PXMP4: variants seen among roughly 807,000 people sequenced by gnomAD.
PXMP4 encodes the protein 24 kDa peroxisomal intrinsic membrane protein.
In PXMP4, 16 loss-of-function variants were observed where a neutral mutation model predicts 21.6. The observed-to-expected ratio is 0.74, with a 90% CI of 0.50 to 1.13. The LOEUF is 1.13. Ranked by LOEUF, PXMP4 falls within the 50% of genes most tolerant of loss-of-function variation. The pLI, the probability that PXMP4 is intolerant of heterozygous loss-of-function variation, is 0.00. For synonymous variants in PXMP4, 127 were observed against 123.8 expected (o/e 1.03, Z -0.17); for missense variants, 240 against 277.7 (o/e 0.86, Z 0.96).
In PXMP4 at chr20:33,709,304, A is replaced by T. The variant is rs965690904; in HGVS notation, c.375+1251T>A. 2.0e-5 allele frequency among the ~76,000 whole-genome samples: 3 copies of T among 152,322 alleles called. No individual in the cohort carries two copies. The East Asian group carries it at 5.8e-4, about 29-fold the overall frequency. On this transcript the variant is annotated intron_variant, in intron 3 of 3. Coordinates refer to ENST00000409299, the MANE Select transcript of PXMP4 (RefSeq NM_007238.5). ...AGAGTAAGACTGTCTCAACAAAAAC[A>T]AAACAGAACAAAAACCCAACGACTA...
chr20:33,708,353 G>T (rs1349784805), intron 3 of PXMP4, among the ~76,000 whole-genome samples: 1 of 151,080 alleles, frequency 6.6e-6, no homozygotes, highest in Non-Finnish European at 1.5e-5. Context: ...TGCCCAGCTA[G>T]TTTTTATATT....
At position 33,706,198 on chromosome 20, in the gene PXMP4, T is replaced by A. The variant is rs2018255217; in HGVS notation, c.*1508A>T. The A allele has an allele frequency of 6.6e-6, 1 of 152,012 alleles. No homozygotes were observed. The highest frequency in any genetic ancestry group is 2.1e-4 in the South Asian group (1 of 4,828). The allele number at this position is 152,012 out of a possible 1,614,324, so 9.4% of individuals were successfully genotyped here. Reference sequence around the variant, plus strand: ...GCCTCAGCCTCCCAAAGTGCTGGGATTACAGGCGTGAGCCACTGCACCTGG... The same window carrying A: ...GCCTCAGCCTCCCAAAGTGCTGGGAATACAGGCGTGAGCCACTGCACCTGG... On this transcript the variant is annotated 3_prime_UTR_variant, in exon 4 of 4. Transcript: ENST00000409299.
intron 1 of PXMP4, among the ~76,000 whole-genome samples, chr20:33,719,542 C>T (rs966792412): frequency 1.3e-5 from 2 of 152,244 alleles, no homozygotes; most frequent in African/African-American, 2.4e-5. Context: ...CCCAAGACCT[C>T]TCTTGCAGGT....
chr20:33,714,875 A>G (rs987971786), intron 1 of PXMP4, 139 bp from the exon 2 acceptor site: 18 of 820,782 alleles, frequency 2.2e-5, no homozygotes, highest in Non-Finnish European at 3.7e-5. Flanking sequence ...GCTGGATGCA[A>G]ATCCTGGCTC....
chr20:33,717,760 C>T (rs2018399603), intron 1 of PXMP4, among the ~76,000 whole-genome samples: 1 of 151,160 alleles, frequency 6.6e-6, no homozygotes, highest in Non-Finnish European at 1.5e-5. Flanking sequence ...ATTTAGGGAT[C>T]TAGGAATGAC....
chr20:33,718,146 A>G (rs1189673063), intron 1 of PXMP4, among the ~76,000 whole-genome samples: 2 of 152,122 alleles, frequency 1.3e-5, no homozygotes, highest in Non-Finnish European at 2.9e-5. Context: ...TGAGCCACAT[A>G]CTATTGTCTC....
chr20:33,718,995 AAGCGGTTCTCCTGCCTCAGCCTCCCATGT>A (rs552666877), intron 1 of PXMP4, among the ~76,000 whole-genome samples: 157 of 152,284 alleles, frequency 1.0e-3, no homozygotes, highest in African/African-American at 3.6e-3. Flanking sequence ...TCCTGGGTTC[AAGCGGTTCTCCTGCCTCAGCCTCCCATGT>A]AGCCGGGACT....
At chr20:33,711,848 C>G (rs909410136) in intron 2 of PXMP4, among the ~76,000 whole-genome samples, 1 of 151,870 alleles carries the variant, frequency 6.6e-6, no homozygotes, top group African/African-American at 2.4e-5. Flanking sequence ...AAAAAATTAG[C>G]CAGGTGTGGT....
At chr20:33,717,436 T>C (rs1178992654) in intron 1 of PXMP4, among the ~76,000 whole-genome samples, 10 of 150,826 alleles carry the variant, frequency 6.6e-5, no homozygotes, top group Non-Finnish European at 8.9e-5. Context: ...GTCAGGAGAT[T>C]GAGACCATCC....
intron 3 of PXMP4, 74 bp downstream of exon 3, chr20:33,710,481 G>A (rs1601204398): frequency 1.1e-5 from 4 of 366,498 alleles, no homozygotes; most frequent in Non-Finnish European, 3.8e-6. Flanking sequence ...ACTGAACCAC[G>A]CCCCCTTCTG....
chr20:33,712,681 A>T (rs2018342395), intron 2 of PXMP4, among the ~76,000 whole-genome samples: 1 of 152,184 alleles, frequency 6.6e-6, no homozygotes, highest in South Asian at 2.1e-4. Context: ...CCCAGGCTGG[A>T]GCGCAGTAGC....
intron 2 of PXMP4, among the ~76,000 whole-genome samples, chr20:33,714,117 G>A (rs959999978): frequency 2.0e-5 from 3 of 152,250 alleles, no homozygotes; most frequent in African/African-American, 7.2e-5. Context: ...CCAAGGGCAC[G>A]CCAGGGTGGA....
intron 2 of PXMP4, 157 bp from the exon 3 acceptor site, chr20:33,710,910 CT>C: frequency 2.8e-6 from 2 of 717,242 alleles, no homozygotes; most frequent in Non-Finnish European, 2.2e-6. Context: ...TGATTCAGGC[CT>C]TGACTCAGTG....
chr20:33,710,606 G>C lies in PXMP4; in HGVS notation c.324C>G (p.Ala108=). Residue 108 remains alanine, a synonymous_variant, in exon 3 of 4, where the codon GCC becomes GCG. Coordinates refer to ENST00000409299, the MANE Select transcript of PXMP4 (RefSeq NM_007238.5). ...KTYPAHAFLA[A]FLGGILVFGE... The stretch of plus-strand genomic sequence containing the variant: ...CAAACACCAGGATACCCCCGAGGAA[G>C]GCCGCCAGGAATGCGTGTGCTGGGT... 1.9e-6 allele frequency: 3 copies of C among 1,613,686 alleles called. No homozygotes were observed. Among genetic ancestry groups the C allele is most frequent in the South Asian group, 1.1e-5 (1 of 91,062 alleles).
rs147675500 is a variant in PXMP4 at position 33,707,895 on chromosome 20, T to C, written c.450A>G (p.Glu150=). Residue 150 remains glutamate, a synonymous_variant, in exon 4 of 4, where the codon GAA becomes GAG. Coordinates refer to ENST00000409299, the MANE Select transcript of PXMP4 (RefSeq NM_007238.5). ...GCAGCGGGAACGGGTCCCACCTGGG[T>C]TCAGGGATGTAGCCCTTCTCTACAG... ...RLAVEKGYIP[E]PRWDPFPLLT... The C allele has an allele frequency of 2.5e-5, 40 of 1,613,966 alleles. No individual in the cohort carries two copies. The East Asian group carries it at 8.9e-4, about 36-fold the overall frequency.
intron 1 of PXMP4, among the ~76,000 whole-genome samples, chr20:33,718,868 AATAG>A (rs777676537): frequency 1.3e-5 from 2 of 152,200 alleles, no homozygotes; most frequent in Admixed American, 6.5e-5. Context: ...CAAGGAACAA[AATAG>A]ATAAAGTTAT....
At chr20:33,711,398 G>C (rs76194551) in intron 2 of PXMP4, among the ~76,000 whole-genome samples, 2 of 152,120 alleles carry the variant, frequency 1.3e-5, no homozygotes, top group Admixed American at 1.3e-4. Flanking sequence ...TGCCACGCCC[G>C]GAGGAGGGTC....
At chr20:33,715,397 A>C (rs1228640185) in intron 1 of PXMP4, among the ~76,000 whole-genome samples, 1 of 151,200 alleles carries the variant, frequency 6.6e-6, no homozygotes, top group Non-Finnish European at 1.5e-5. Context: ...CACCTCAAAA[A>C]GGGATGTTAA....
At chr20:33,719,143 G>A (rs2018419361) in intron 1 of PXMP4, among the ~76,000 whole-genome samples, 1 of 152,216 alleles carries the variant, frequency 6.6e-6, no homozygotes, top group South Asian at 2.1e-4. Flanking sequence ...TAATCCGCCT[G>A]CCTCGGCCTC....
Sources: gnomAD v4.1 joint callset for allele counts (sites outside exome capture counted in the v4.1 genomes callset) on GRCh38, gnomAD v4.1.1 for gene constraint, MANE v1.5 for transcripts, NCBI Gene and HGNC (gene_info 2026-07-23, HGNC 2026-07-21) for gene names.